The following SUZ12 variants were observed in gnomAD, a reference collection of about 807,000 sequenced individuals.
SUZ12 encodes SUZ12 polycomb repressive complex 2 subunit.
SUZ12 carries 17 observed loss-of-function variants against 87.3 expected under a neutral mutation model. The observed-to-expected ratio is 0.19, with a 90% CI of 0.13 to 0.29. The LOEUF (loss-of-function observed/expected upper bound fraction) is 0.29. Ranked by LOEUF, SUZ12 falls within the 10% of genes least tolerant of loss-of-function variation. The pLI is 1.00. For missense variants in SUZ12, 526 were observed against 912.2 expected (o/e 0.58, Z 5.45); for synonymous variants, 253 against 312.4 (o/e 0.81, Z 2.01).
chr17:31,972,925 A>C (rs369467417), intron 5 of SUZ12, among the ~76,000 whole-genome samples: 1 of 149,578 alleles, frequency 6.7e-6, no homozygotes, highest in South Asian at 2.1e-4. Flanking sequence ...ATAGGACGGT[A>C]ATTATATTTG....
intron 3 of SUZ12, among the ~76,000 whole-genome samples, chr17:31,941,392 G>A (rs111432675): frequency 2.0e-5 from 3 of 151,636 alleles, no homozygotes; most frequent in Non-Finnish European, 4.4e-5. Flanking sequence ...AAGTAGCTGG[G>A]GTTACAGGCG....
intron 4 of SUZ12, among the ~76,000 whole-genome samples, chr17:31,964,897 G>A (rs567343453): frequency 6.6e-6 from 1 of 151,942 alleles, no homozygotes; most frequent in Admixed American, 6.6e-5. Context: ...CAGGAGAATC[G>A]CTTGAACTCG....
intron 10 of SUZ12, 150 bp from the exon 11 acceptor site, chr17:31,993,092 G>T (rs545675138): frequency 1.1e-5 from 6 of 522,452 alleles, no homozygotes; most frequent in Non-Finnish European, 2.0e-5. Context: ...TTTTTCCTGC[G>T]ATCATCAGTT....
At chr17:31,958,732 G>C (rs1280011819) in intron 4 of SUZ12, among the ~76,000 whole-genome samples, 3 of 152,158 alleles carry the variant, frequency 2.0e-5, no homozygotes, top group Non-Finnish European at 2.9e-5. Flanking sequence ...TGTATTTCTA[G>C]CTACTCGGGA....
chr17:31,976,572 A>G lies in SUZ12; in HGVS notation c.875A>G (p.Glu292Gly). The G allele has an allele frequency of 6.2e-7, 1 of 1,613,232 alleles. No individual in the cohort carries two copies. The highest frequency in any genetic ancestry group is 8.5e-7 in the Non-Finnish European group (1 of 1,179,428). ...ARRKRNREDG[E>G]KTFVAQMTVF... Reference sequence around the variant, plus strand: ...AGAAAACGAAATCGTGAGGATGGGGAAAAGACATTTGTTGCACAAATGACA... The same window carrying G: ...AGAAAACGAAATCGTGAGGATGGGGGAAAGACATTTGTTGCACAAATGACA... The change falls in exon 8 of 16, where the codon GAA (glutamate) becomes GGA (glycine). Residue 292 changes from glutamate to glycine, a missense_variant. By Grantham distance (98) the Glu-to-Gly change is moderately conservative. Coordinates refer to ENST00000322652, the MANE Select transcript of SUZ12 (RefSeq NM_015355.4).
chr17:31,937,115 C>A lies in SUZ12; in HGVS notation c.-132C>A. 1.3e-6 allele frequency: 1 copy of A among 750,706 alleles called. No individual in the cohort carries two copies. Among genetic ancestry groups the A allele is most frequent in the Non-Finnish European group, 1.9e-6 (1 of 523,334 alleles). 46.5% of individuals were successfully genotyped at this position (750,706 alleles called of 1,614,324 possible). A position where few individuals can be genotyped will look rare whatever the true frequency, so the allele number is the denominator to read the frequency against. On this transcript the variant is annotated 5_prime_UTR_variant, in exon 1 of 16. Coordinates refer to ENST00000322652, the MANE Select transcript of SUZ12 (RefSeq NM_015355.4). Reference sequence around the variant, plus strand: ...TCCTCTCCTCCTCCCTTCCCTTCCCCTCTCCTCCCCTCTCTCCTCCTTCCC... The same window carrying A: ...TCCTCTCCTCCTCCCTTCCCTTCCCATCTCCTCCCCTCTCTCCTCCTTCCC...
At chr17:31,984,611 T>C (rs553584060) in intron 9 of SUZ12, among the ~76,000 whole-genome samples, 1 of 152,294 alleles carries the variant, frequency 6.6e-6, no homozygotes, top group South Asian at 2.1e-4. Context: ...ATACATAATA[T>C]TGTGAATTAT....
intron 5 of SUZ12, among the ~76,000 whole-genome samples, chr17:31,968,394 A>G (rs1471987241): frequency 6.6e-6 from 1 of 151,916 alleles, no homozygotes; most frequent in Non-Finnish European, 1.5e-5. Flanking sequence ...TGCCTGGCTA[A>G]TTAAAAAAAA....
At chr17:31,946,175 T>G (rs1396758861) in intron 3 of SUZ12, among the ~76,000 whole-genome samples, 14 of 152,198 alleles carry the variant, frequency 9.2e-5, no homozygotes, top group Admixed American at 6.5e-5. Context: ...CTAATATCAG[T>G]AGTTTACTAT....
At chr17:31,939,032 A>G (rs1906112089) in intron 1 of SUZ12, among the ~76,000 whole-genome samples, 2 of 152,228 alleles carry the variant, frequency 1.3e-5, no homozygotes, top group Admixed American at 1.3e-4. Context: ...TGTAACTGAT[A>G]TAATAGTATA....
intron 3 of SUZ12, among the ~76,000 whole-genome samples, chr17:31,944,319 G>A (rs146543641): frequency 3.3e-5 from 5 of 151,778 alleles, no homozygotes; most frequent in Admixed American, 6.6e-5. Flanking sequence ...GGAGAGATGG[G>A]GTTTCTCCAT....
chr17:31,993,028 AT>A (rs1251998916), intron 10 of SUZ12, among the ~76,000 whole-genome samples: 3 of 152,216 alleles, frequency 2.0e-5, no homozygotes, highest in African/African-American at 4.8e-5. Context: ...AAGGAAAAAA[AT>A]AAGTCCTGCC....
At chr17:31,969,295 A>G (rs376181317) in intron 5 of SUZ12, among the ~76,000 whole-genome samples, 1 of 151,982 alleles carries the variant, frequency 6.6e-6, no homozygotes, top group Non-Finnish European at 1.5e-5. Context: ...ACAGGCATGC[A>G]CCACCATGCC....
chr17:31,982,704 A>G (rs1377031595), intron 8 of SUZ12, among the ~76,000 whole-genome samples: 2 of 152,152 alleles, frequency 1.3e-5, no homozygotes, highest in Non-Finnish European at 2.9e-5. Context: ...TACGCTTTAT[A>G]TTTAATGTTG....
intron 5 of SUZ12, among the ~76,000 whole-genome samples, chr17:31,970,792 A>G (rs1247669186): frequency 3.4e-5 from 5 of 149,062 alleles, no homozygotes; most frequent in Non-Finnish European, 7.4e-5. Context: ...ACAGAGCAAG[A>G]CTCTCTCTCT....
chr17:31,976,286 A>C (rs1908747925), intron 7 of SUZ12, among the ~76,000 whole-genome samples: 1 of 152,258 alleles, frequency 6.6e-6, no homozygotes, highest in South Asian at 2.1e-4. Context: ...AGCAAAGATA[A>C]TTCTAAACAG....
At chr17:31,972,363 A>G (rs920450826) in intron 5 of SUZ12, among the ~76,000 whole-genome samples, 28 of 143,548 alleles carry the variant, frequency 2.0e-4, no homozygotes, top group African/African-American at 5.7e-4. Context: ...ATATATGTGT[A>G]TGTATGTGTG....
At position 31,989,853 on chromosome 17, in the gene SUZ12, C is replaced by A. The variant is rs1439919440; in HGVS notation, c.1201+1356C>A. Among the ~76,000 whole-genome samples the A allele has an allele frequency of 3.3e-5, 5 of 151,548 alleles. No individual in the cohort carries two copies. The East Asian group carries it at 9.7e-4, about 29-fold the overall frequency. ...CTCGATCTCCTGACCTTGTGATCCG[C>A]CCGCCTTGGCCTCCCAAAGTGCTGG... On this transcript the variant is annotated intron_variant, in intron 10 of 15. Transcript: ENST00000322652.
At chr17:31,966,558 G>A (rs1598165844) in intron 5 of SUZ12, 1 of 172,070 alleles carries the variant, frequency 5.8e-6, no homozygotes, top group African/African-American at 2.4e-5. Context: ...ATGCTGGCCA[G>A]GCTGGTCTTG....
Sources: gnomAD v4.1 joint callset for allele counts (sites outside exome capture counted in the v4.1 genomes callset) on GRCh38, gnomAD v4.1.1 for gene constraint, MANE v1.5 for transcripts, NCBI Gene and HGNC (gene_info 2026-07-23, HGNC 2026-07-21) for gene names.